ANKRD62: variants seen among roughly 807,000 people sequenced by gnomAD.
The protein encoded by ANKRD62 is ankyrin repeat domain-containing protein 62.
A neutral mutation model predicts 98.8 loss-of-function variants in ANKRD62; 61 were observed. The observed-to-expected ratio is 0.62, with a 90% CI of 0.50 to 0.76. The LOEUF is 0.76. ANKRD62 is among the 30% of genes least tolerant of loss of function. ANKRD62 has a pLI of 0.00. For missense variants in ANKRD62, 933 were observed against 1,082.9 expected (o/e 0.86, Z 1.94); for synonymous variants, 341 against 367.9 (o/e 0.93, Z 0.84).
the ANKRD62 span, among the ~76,000 whole-genome samples, chr18:12,173,131 G>C: frequency 6.6e-6 from 1 of 152,216 alleles, no homozygotes; most frequent in East Asian, 1.9e-4. Context: ...GCCCCAGTGA[G>C]ATGAACCCGG....
intron 4 of ANKRD62, among the ~76,000 whole-genome samples, chr18:12,097,265 C>T (rs9951929): frequency 0.59 from 90,403 of 152,010 alleles, 27,430 homozygotes; most frequent in Middle Eastern, 0.76. Context: ...CTCTTATTGA[C>T]CCCACGCTCA....
At chr18:12,165,012 C>T in the ANKRD62 span, among the ~76,000 whole-genome samples, 36 of 151,992 alleles carry the variant, frequency 2.4e-4, no homozygotes, top group African/African-American at 7.9e-4. Context: ...GCTGAATTGA[C>T]CCCTTTATCA....
intron 5 of ANKRD62, among the ~76,000 whole-genome samples, chr18:12,098,967 A>G (rs982011333): frequency 6.6e-6 from 1 of 152,242 alleles, no homozygotes; most frequent in African/African-American, 2.4e-5. Flanking sequence ...ACAATGGATA[A>G]TCATGTTATC....
the ANKRD62 span, among the ~76,000 whole-genome samples, chr18:12,138,122 T>A: frequency 6.6e-6 from 1 of 152,170 alleles, no homozygotes; most frequent in Non-Finnish European, 1.5e-5. Flanking sequence ...TCTCTAGTTC[T>A]TTTAATTGTG....
chr18:12,172,166 C>A, the ANKRD62 span, among the ~76,000 whole-genome samples: 1 of 152,194 alleles, frequency 6.6e-6, no homozygotes, highest in Non-Finnish European at 1.5e-5. Flanking sequence ...CTCCGTCCAA[C>A]TTTGTTCCCT....
chr18:12,146,539 G>C, the ANKRD62 span, among the ~76,000 whole-genome samples: 5 of 152,298 alleles, frequency 3.3e-5, no homozygotes, highest in East Asian at 9.7e-4. Flanking sequence ...TCCGCCTCCT[G>C]GGTTCAAGCA....
intron 5 of ANKRD62, 83 bp from the exon 6 acceptor site, chr18:12,099,532 C>A: frequency 1.2e-6 from 1 of 805,916 alleles, no homozygotes; most frequent in Non-Finnish European, 1.8e-6. Flanking sequence ...GTTTGATATA[C>A]TCTTAAGAAT....
Position 12,095,611 on chromosome 18 carries a change from G to A in ANKRD62, c.507+1G>A. 1.3e-6 allele frequency: 2 copies of A among 1,502,596 alleles called. No individual in the cohort carries two copies. The highest frequency in any genetic ancestry group is 1.8e-6 in the Non-Finnish European group (2 of 1,128,814). The allele number at this position is 1,502,596 out of a possible 1,614,324, so 93.1% of individuals were successfully genotyped here. On this transcript the variant is annotated splice_donor_variant, in intron 3 of 13. Coordinates refer to ENST00000587848, the MANE Select transcript of ANKRD62 (RefSeq NM_001277333.2). LOFTEE classifies it high-confidence loss of function. ...TGCAGATATTGAAGCAAGAAGCCAG[G>A]TATGATCAACCAATGTTCTTTTCAA...
At chr18:12,175,842 T>C in the ANKRD62 span, among the ~76,000 whole-genome samples, 1 of 151,964 alleles carries the variant, frequency 6.6e-6, no homozygotes, top group Non-Finnish European at 1.5e-5. Flanking sequence ...TTTCAAATTG[T>C]ATTCTCCCCC....
At chr18:12,160,653 T>C in the ANKRD62 span, among the ~76,000 whole-genome samples, 1 of 152,196 alleles carries the variant, frequency 6.6e-6, no homozygotes, top group Non-Finnish European at 1.5e-5. Context: ...GTTTTTATGT[T>C]ATCTATCAGC....
At chr18:12,134,578 G>T (rs1364235884), downstream of ANKRD62, among the ~76,000 whole-genome samples, 1 of 151,722 alleles carries the variant, frequency 6.6e-6, no homozygotes. Context: ...CCTGTGTCCA[G>T]GTGTTCTCAT....
intron 7 of ANKRD62, among the ~76,000 whole-genome samples, chr18:12,104,023 G>A (rs145471959): frequency 2.0e-5 from 3 of 152,074 alleles, no homozygotes; most frequent in Non-Finnish European, 2.9e-5. Context: ...CCTACTCACC[G>A]GTTAGTAATC....
chr18:12,106,242 A>T (rs1041055953), intron 7 of ANKRD62, among the ~76,000 whole-genome samples: 1 of 152,224 alleles, frequency 6.6e-6, no homozygotes, highest in Non-Finnish European at 1.5e-5. Context: ...TTAATAGAGC[A>T]TAAGTTTTAG....
At chr18:12,132,448 T>TCTTC (rs764808373), downstream of ANKRD62, among the ~76,000 whole-genome samples, 2 of 151,970 alleles carry the variant, frequency 1.3e-5, no homozygotes, top group Non-Finnish European at 2.9e-5. Flanking sequence ...TTCCTTTTTT[T>TCTTC]CTTCCTTCCT....
the ANKRD62 span, among the ~76,000 whole-genome samples, chr18:12,163,845 T>A: frequency 5.3e-5 from 8 of 152,078 alleles, no homozygotes; most frequent in Admixed American, 2.0e-4. Flanking sequence ...GAACCATCCT[T>A]GCATCCCTGG....
chr18:12,162,540 A>G, the ANKRD62 span, among the ~76,000 whole-genome samples: 1 of 151,888 alleles, frequency 6.6e-6, no homozygotes, highest in African/African-American at 2.4e-5. Flanking sequence ...CCATTTGTTC[A>G]TGTTTGCTTT....
Position 12,115,537 on chromosome 18 carries a change from A to G in ANKRD62, c.1240+3A>G. 1 of 1,533,768 alleles carries G rather than the reference A, an allele frequency of 6.5e-7. No homozygotes were observed. The highest frequency in any genetic ancestry group is 2.2e-4 in the Middle Eastern group (1 of 4,562). ...ACAAAGTGGAATGGAGTGTAAAGGT[A>G]GGACCAATGCATAAATATAAGGCTC... On this transcript the variant is annotated splice_donor_region_variant and intron_variant, in intron 10 of 13. Transcript: ENST00000587848.
chr18:12,151,168 AC>A, the ANKRD62 span, among the ~76,000 whole-genome samples: 1 of 152,226 alleles, frequency 6.6e-6, no homozygotes, highest in Non-Finnish European at 1.5e-5. Flanking sequence ...TTTCAAACCA[AC>A]AAAGATCAAA....
At chr18:12,111,105 C>T (rs1008954728) in intron 8 of ANKRD62, among the ~76,000 whole-genome samples, 4 of 151,932 alleles carry the variant, frequency 2.6e-5, no homozygotes, top group African/African-American at 7.3e-5. Context: ...AAAAATTAGC[C>T]AGACGTGGTG....
Sources: gnomAD v4.1 joint callset for allele counts (sites outside exome capture counted in the v4.1 genomes callset) on GRCh38, gnomAD v4.1.1 for gene constraint, MANE v1.5 for transcripts, NCBI Gene and HGNC (gene_info 2026-07-23, HGNC 2026-07-21) for gene names.